Variants in GLIS2 observed in about 807,000 individuals in gnomAD.
The protein encoded by GLIS2 is GLIS family zinc finger 2.
Under a neutral mutation model 35.6 loss-of-function variants are expected in GLIS2, and 14 were observed. The observed-to-expected ratio is 0.39, with a 90% CI of 0.26 to 0.61. GLIS2 has a LOEUF of 0.61. Ranked by LOEUF, GLIS2 falls within the 20% of genes least tolerant of loss-of-function variation. The pLI, the probability that GLIS2 is intolerant of heterozygous loss-of-function variation, is 0.48. For missense variants in GLIS2, 675 were observed against 713.4 expected, an observed-to-expected ratio of 0.95 and a Z score of 0.61; for synonymous variants, 368 against 325.1, an observed-to-expected ratio of 1.13 and a Z score of -1.42.
rs1374054544 is a variant in GLIS2 at position 4,320,129 on chromosome 16, C to T, written c.-67+3875C>T. ...GGTAGTGCCCACCGCAGGGAGGGGC[C>T]GGCCTGTGAGTGTCACATGTGCGTG... On this transcript the variant is annotated intron_variant, in intron 1 of 6. Transcript: ENST00000433375. This position sits in a 1 kb window ranked among gnomAD's most constrained non-coding sequence, Gnocchi z 5.6. 2.6e-5 allele frequency among the ~76,000 whole-genome samples: 4 copies of T among 152,102 alleles called. No individual in the cohort carries two copies. Among genetic ancestry groups the T allele is most frequent in the African/African-American group, 7.2e-5 (3 of 41,410 alleles).
chr16:4,334,672 TGC>T, intron 3 of GLIS2, 127 bp from the exon 4 acceptor site: 1 of 1,073,744 alleles, frequency 9.3e-7, no homozygotes, highest in Middle Eastern at 2.1e-4. Flanking sequence ...TAAGGCCACA[TGC>T]ACAGGTAGGG....
rs1245499608 is a variant in GLIS2 at position 4,337,754 on chromosome 16, G to A, written c.*230G>A. The stretch of plus-strand genomic sequence containing the variant: ...CTGTGCTCCTGGGTGCTGAAGCCTC[G>A]CTCCTGTCTGTCCCCCACCACCTGG... On this transcript the variant is annotated 3_prime_UTR_variant, in exon 7 of 7. Transcript: ENST00000433375. The A allele has an allele frequency of 7.9e-6, 5 of 630,956 alleles. No homozygotes were observed. Among genetic ancestry groups the A allele is most frequent in the East Asian group, 2.8e-5 (1 of 36,234 alleles). 39.1% of individuals were successfully genotyped at this position (630,956 alleles called of 1,614,324 possible).
chr16:4,335,837 C>T lies in GLIS2; in HGVS notation c.775+444C>T, dbSNP rs953389488. On this transcript the variant is annotated intron_variant, in intron 6 of 6. Coordinates refer to ENST00000433375, the MANE Select transcript of GLIS2 (RefSeq NM_032575.3). The surrounding 1 kb of genome is among the most constrained non-coding windows in gnomAD (Gnocchi z 4.6). ...GGTTCGTTGACCCCGGTACATCCAA[C>T]GTGTTATCAATTCATTATTAAAGAC... The T allele has an allele frequency of 1.4e-5, 3 of 213,046 alleles. No homozygotes were observed. The highest frequency in any genetic ancestry group is 2.9e-5 in the Non-Finnish European group (3 of 104,330). 13.2% of individuals were successfully genotyped at this position (213,046 alleles called of 1,614,324 possible).
At chr16:4,329,309 G>A (rs2053472694) in intron 1 of GLIS2, 1 of 152,152 alleles carries the variant, frequency 6.6e-6, no homozygotes, top group African/African-American at 2.4e-5. Context: ...TGCTAGCGGG[G>A]GTGTGGTCCC....
intron 1 of GLIS2, among the ~76,000 whole-genome samples, chr16:4,322,645 C>T (rs2053390458): frequency 6.6e-6 from 1 of 151,936 alleles, no homozygotes; most frequent in Non-Finnish European, 1.5e-5. Context: ...CTGTTTCTCC[C>T]ACCCCACCTT....
rs528597262 is a variant in GLIS2, at chr16:4,337,390, C to T, written c.1441C>T (p.Pro481Ser). 5.0e-6 allele frequency: 8 copies of T among 1,593,130 alleles called. No individual in the cohort carries two copies. The Admixed American group carries it at 1.4e-4, about 27-fold the overall frequency. The change falls in exon 7 of 7, where the codon CCC becomes TCC. Residue 481 changes from proline to serine, a missense_variant. By Grantham distance (74) the Pro-to-Ser change is moderately conservative (BLOSUM62 -1). Transcript: ENST00000433375. ...CTCCCGGCCAAGCCCCGATGGACTC[C>T]CCCTGCTGCCAGGCACCGTGCTGGA... Reference protein sequence around the residue: ...SCSRPSPDGLPLLPGTVLDLS... With the variant: ...SCSRPSPDGLSLLPGTVLDLS...
chr16:4,337,393 CTGCTGCCAGGCACCG>C lies in GLIS2; in HGVS notation c.1450_1464del (p.Pro484_Leu488del). 6.3e-7 allele frequency: 1 copy of C among 1,592,982 alleles called. No homozygotes were observed. Among genetic ancestry groups the C allele is most frequent in the Non-Finnish European group, 8.5e-7 (1 of 1,171,304 alleles). On this transcript the variant is annotated inframe_deletion, in exon 7 of 7. Transcript: ENST00000433375. ...CCGGCCAAGCCCCGATGGACTCCCC[CTGCTGCCAGGCACCG>C]TGCTGGACCTGTCCACGGGCGTCAA...
chr16:4,334,880 T>C lies in GLIS2; in HGVS notation c.425T>C (p.Leu142Pro). 3.1e-6 allele frequency: 5 copies of C among 1,613,156 alleles called. No individual in the cohort carries two copies. The highest frequency in any genetic ancestry group is 4.2e-6 in the Non-Finnish European group (5 of 1,179,978). ...CTGCCCCTCGGCTCCGGGGGGGCCC[T>C]GCACCTGCCTGCCTCCTCCTTCCTT... ...FFLPLGSGGA[L>P]HLPASSFLTP... The change falls in exon 4 of 7, where the codon CTG (leucine) becomes CCG (proline). Residue 142 changes from leucine to proline, a missense_variant. Physicochemically the swap from Leu to Pro is moderately conservative, Grantham distance 98. Around this residue, in one of 3 missense-constraint regions of GLIS2, gnomAD observed 225 missense variants for 238.7 expected, o/e 0.94. Transcript: ENST00000433375.
upstream of GLIS2, among the ~76,000 whole-genome samples, chr16:4,315,910 G>A (rs2053304807): frequency 6.7e-6 from 1 of 148,426 alleles, no homozygotes; most frequent in South Asian, 2.1e-4. Flanking sequence ...GGGAGGGAGC[G>A]AGCGAGCGAG....
chr16:4,322,164 A>T (rs2053385837), intron 1 of GLIS2, among the ~76,000 whole-genome samples: 1 of 145,812 alleles, frequency 6.9e-6, no homozygotes, highest in Non-Finnish European at 1.5e-5. Context: ...ATCCTGAGGA[A>T]GGGGGGTGCC....
intron 1 of GLIS2, among the ~76,000 whole-genome samples, chr16:4,327,565 C>G (rs2053446256): frequency 6.6e-6 from 1 of 152,008 alleles, no homozygotes; most frequent in Non-Finnish European, 1.5e-5. Flanking sequence ...GGACTGCGGG[C>G]GGGGGGCCGG....
At chr16:4,322,188 T>G (rs533486393) in intron 1 of GLIS2, among the ~76,000 whole-genome samples, 10 of 151,864 alleles carry the variant, frequency 6.6e-5, no homozygotes, top group Non-Finnish European at 1.0e-4. Flanking sequence ...GGAGAGGGCC[T>G]GGGGCAGGAG....
At chr16:4,329,459 G>A (rs2053474243) in intron 1 of GLIS2, among the ~76,000 whole-genome samples, 1 of 152,248 alleles carries the variant, frequency 6.6e-6, no homozygotes, top group Admixed American at 6.5e-5. Flanking sequence ...TGATGATGCA[G>A]CCTTGGGAGA....
chr16:4,322,195 G>A (rs1398877851), intron 1 of GLIS2, among the ~76,000 whole-genome samples: 1 of 152,150 alleles, frequency 6.6e-6, no homozygotes, highest in Non-Finnish European at 1.5e-5. Context: ...GCCTGGGGCA[G>A]GAGGCTCTGG....
At chr16:4,315,649 G>A (rs2053299538), upstream of GLIS2, among the ~76,000 whole-genome samples, 1 of 149,196 alleles carries the variant, frequency 6.7e-6, no homozygotes, top group Non-Finnish European at 1.5e-5. Context: ...GCTGCCCTCG[G>A]GCCGGGGGCG....
At chr16:4,317,922 C>G (rs1298320940) in intron 1 of GLIS2, among the ~76,000 whole-genome samples, 1 of 152,192 alleles carries the variant, frequency 6.6e-6, no homozygotes, top group Non-Finnish European at 1.5e-5. Context: ...CCGCCCTTCC[C>G]TGTCTGTGAC....
chr16:4,333,614 A>T (rs1271428433), intron 3 of GLIS2, 95 bp downstream of exon 3: 1 of 1,320,082 alleles, frequency 7.6e-7, no homozygotes, highest in African/African-American at 1.5e-5. Flanking sequence ...TAAAAAACAG[A>T]TGTGTTACCC....
Position 4,334,798 on chromosome 16 carries a change from C to T in GLIS2, c.346-3C>T, listed in dbSNP as rs775959592. On this transcript the variant is annotated splice_polypyrimidine_tract_variant and splice_region_variant and intron_variant, in intron 3 of 6. Coordinates refer to ENST00000433375, the MANE Select transcript of GLIS2 (RefSeq NM_032575.3). ...CTTGACTAGCCCTCCCCTCGCACCCCAGGACTTCCAGCCACTGCGCTATTT... is the reference window on the plus strand; with the variant it reads ...CTTGACTAGCCCTCCCCTCGCACCCTAGGACTTCCAGCCACTGCGCTATTT... The T allele has an allele frequency of 4.3e-6, 7 of 1,613,368 alleles. No homozygotes were observed. The highest frequency in any genetic ancestry group is 5.9e-6 in the Non-Finnish European group (7 of 1,179,996).
intron 1 of GLIS2, among the ~76,000 whole-genome samples, chr16:4,330,508 G>A (rs1175817478): frequency 1.3e-5 from 2 of 152,186 alleles, no homozygotes; most frequent in Admixed American, 1.3e-4. Context: ...GGGGCTCCCT[G>A]GCTTGCGATG....
Sources: gnomAD v4.1 joint callset for allele counts (sites outside exome capture counted in the v4.1 genomes callset) on GRCh38, gnomAD v4.1.1 for gene constraint, gnomAD v4.1.1 regional missense constraint, Gnocchi (gnomAD v3.1) non-coding constraint, MANE v1.5 for transcripts, NCBI Gene and HGNC (gene_info 2026-07-23, HGNC 2026-07-21) for gene names.